DEPDC5: variants seen among roughly 807,000 people sequenced by gnomAD.
DEPDC5 encodes the protein DEP domain containing 5, GATOR1 subcomplex subunit.
In DEPDC5, 73 loss-of-function variants were observed where a neutral mutation model predicts 217.3. That is an observed-to-expected ratio of 0.34 (90% CI 0.28 to 0.41). The LOEUF (loss-of-function observed/expected upper bound fraction) is 0.41. Ranked by LOEUF, DEPDC5 falls within the 10% of genes least tolerant of loss-of-function variation. DEPDC5 has a pLI of 1.00. For missense variants in DEPDC5, 1,675 were observed against 2,070.1 expected (o/e 0.81, Z 3.70); for synonymous variants, 733 against 756.7 (o/e 0.97, Z 0.51).
chr22:31,860,686 C>T (rs1391601894), intron 32 of DEPDC5, among the ~76,000 whole-genome samples: 1 of 152,094 alleles, frequency 6.6e-6, no homozygotes, highest in East Asian at 1.9e-4. Flanking sequence ...TATGTCTTAG[C>T]TTGCTGATGA....
chr22:31,831,784 T>G (rs1026419294), intron 24 of DEPDC5, among the ~76,000 whole-genome samples: 1 of 152,214 alleles, frequency 6.6e-6, no homozygotes, highest in Non-Finnish European at 1.5e-5. Flanking sequence ...ATTTAAAAAT[T>G]TATGTCCAGT....
At position 31,861,373 on chromosome 22, in the gene DEPDC5, G is replaced by A. The variant is rs771969134; in HGVS notation, c.3270G>A (p.Gly1090=). The change falls in exon 33 of 43, where the codon GGG becomes GGA. Residue 1090 remains glycine, a synonymous_variant. Transcript: ENST00000651528. ...PTYMDSPRKD[G]AFFMEFVRSP... ...TCCTCCTCCTGTGACTTCAGGACGG[G>A]GCCTTCTTTATGGAGTTTGTCCGCA... 2 of 1,551,360 alleles carry A rather than the reference G, an allele frequency of 1.3e-6. No homozygotes were observed. The highest frequency in any genetic ancestry group is 2.4e-5 in the South Asian group (2 of 84,040).
Position 31,784,871 on chromosome 22 carries a change from G to A in DEPDC5, c.620G>A (p.Trp207Ter). 1 of 1,612,268 alleles carries A rather than the reference G, an allele frequency of 6.2e-7. No individual in the cohort carries two copies. The highest frequency in any genetic ancestry group is 8.5e-7 in the Non-Finnish European group (1 of 1,179,232). Residue 207 changes from tryptophan (W) to a stop codon, truncating the protein, a stop_gained, in exon 10 of 43, where the codon TGG (tryptophan) becomes TAG (stop). Coordinates refer to ENST00000651528, the MANE Select transcript of DEPDC5 (RefSeq NM_001242896.3). LOFTEE classifies it high-confidence loss of function. ...TTCCTTGCTGATCTATTTACCAAGT[G>A]GAAGGTACATTTCTTCTTACACACT... ...NGFLADLFTK[W>*]KEKNCSHEVT...
At chr22:31,815,388 T>A in intron 21 of DEPDC5, 176 bp downstream of exon 21, 2 of 223,872 alleles carry the variant, frequency 8.9e-6, no homozygotes, top group Non-Finnish European at 1.8e-5. Flanking sequence ...TATACTTCTT[T>A]TTTTTTTTTT....
chr22:31,759,614 C>T (rs1461941912), intron 3 of DEPDC5, among the ~76,000 whole-genome samples: 3 of 149,840 alleles, frequency 2.0e-5, no homozygotes, highest in Admixed American at 6.7e-5. Flanking sequence ...CCTCGTGATC[C>T]GCCTGCCTTG....
At chr22:31,866,674 G>T (rs184618185) in intron 33 of DEPDC5, among the ~76,000 whole-genome samples, 1 of 152,172 alleles carries the variant, frequency 6.6e-6, no homozygotes, top group Non-Finnish European at 1.5e-5. Flanking sequence ...GTGAGCCACC[G>T]CGCCCAGCCC....
At chr22:31,792,847 A>G in intron 12 of DEPDC5, 30 bp downstream of exon 12, 12 of 1,461,180 alleles carry the variant, frequency 8.2e-6, no homozygotes, top group Non-Finnish European at 1.1e-5. Flanking sequence ...TATACTTTTT[A>G]TTTATTTATT....
chr22:31,820,312 A>C (rs575512857), intron 22 of DEPDC5, among the ~76,000 whole-genome samples: 1 of 152,160 alleles, frequency 6.6e-6, no homozygotes, highest in Non-Finnish European at 1.5e-5. Context: ...GGGTTTCACC[A>C]TGTTGGTCAG....
chr22:31,774,245 A>AGGT (rs1322171689), intron 7 of DEPDC5, among the ~76,000 whole-genome samples: 3 of 147,744 alleles, frequency 2.0e-5, no homozygotes, highest in Admixed American at 6.8e-5. Context: ...TCTGTCACCT[A>AGGT]GGCTGCAGTG....
chr22:31,874,252 G>A (rs753619476), intron 35 of DEPDC5, 21 bp from the exon 36 acceptor site: 39 of 1,590,318 alleles, frequency 2.5e-5, no homozygotes, highest in Admixed American at 5.1e-5. Context: ...CCTGCTCCCC[G>A]TTCACCGTGT....
intron 25 of DEPDC5, chr22:31,834,250 A>G (rs1300265019): frequency 6.7e-6 from 3 of 448,244 alleles, no homozygotes; most frequent in African/African-American, 5.8e-5. Context: ...ATGCTGGTCC[A>G]GAGCTGGCCT....
At chr22:31,858,680 T>A (rs746616191) in intron 32 of DEPDC5, 30 of 152,168 alleles carry the variant, frequency 2.0e-4, no homozygotes, top group Non-Finnish European at 3.8e-4. Flanking sequence ...AAGAAAAAAA[T>A]AGCTATATAT....
intron 10 of DEPDC5, among the ~76,000 whole-genome samples, chr22:31,786,043 G>T (rs1358562633): frequency 1.3e-5 from 2 of 152,078 alleles, no homozygotes; most frequent in Non-Finnish European, 2.9e-5. Flanking sequence ...GAGGTGGGCG[G>T]ATCAGGAGTT....
chr22:31,772,373 G>A (rs2083440174), intron 7 of DEPDC5, among the ~76,000 whole-genome samples: 1 of 152,164 alleles, frequency 6.6e-6, no homozygotes, highest in African/African-American at 2.4e-5. Flanking sequence ...GATCTCTACT[G>A]GATGGGTATC....
chr22:31,809,569 T>C (rs1427368217), intron 18 of DEPDC5, 42 bp from the exon 19 acceptor site: 2 of 1,610,772 alleles, frequency 1.2e-6, no homozygotes, highest in African/African-American at 1.3e-5. Flanking sequence ...AGTTCTTTTC[T>C]AGCGAAGGAA....
At chr22:31,840,481 T>A (rs2091325166) in intron 27 of DEPDC5, among the ~76,000 whole-genome samples, 1 of 151,980 alleles carries the variant, frequency 6.6e-6, no homozygotes, top group African/African-American at 2.4e-5. Context: ...ATCCCAAGAG[T>A]AATAAGATGA....
intron 14 of DEPDC5, among the ~76,000 whole-genome samples, chr22:31,801,941 C>T (rs111530016): frequency 2.6e-5 from 4 of 151,370 alleles, no homozygotes; most frequent in African/African-American, 9.7e-5. Flanking sequence ...AGTGACTTGC[C>T]AGATTTACAA....
chr22:31,902,720 T>A lies in DEPDC5; in HGVS notation c.4436+918T>A, dbSNP rs538233598. On this transcript the variant is annotated intron_variant, in intron 41 of 42. Transcript: ENST00000651528. ...ACTCCCACCTCCACCAGCATCTGGC[T>A]GAGGAACCATGAGCAATTCTGGAAC... Among the ~76,000 whole-genome samples, 589 of 152,160 alleles carry A rather than the reference T, an allele frequency of 3.9e-3. 7 individuals are homozygous for A. Among genetic ancestry groups the A allele is most frequent in the Non-Finnish European group, 6.6e-3 (447 of 67,986 alleles).
chr22:31,887,148 T>G (rs1188921556), intron 38 of DEPDC5, among the ~76,000 whole-genome samples: 1 of 144,944 alleles, frequency 6.9e-6, no homozygotes, highest in South Asian at 2.2e-4. Flanking sequence ...GCCGGGCATG[T>G]TGGCTCACGC....
Sources: gnomAD v4.1 joint callset for allele counts (sites outside exome capture counted in the v4.1 genomes callset) on GRCh38, gnomAD v4.1.1 for gene constraint, MANE v1.5 for transcripts, NCBI Gene and HGNC (gene_info 2026-07-23, HGNC 2026-07-21) for gene names.